C4orf50: variants seen among roughly 807,000 people sequenced by gnomAD.
C4orf50 encodes the protein chromosome 4 open reading frame 50, also known as uncharacterized protein C4orf50.
Under a neutral mutation model 77.2 loss-of-function variants are expected in C4orf50, and 80 were observed. The ratio of observed to expected loss-of-function variants is 1.04; its 90% CI spans 0.87 to 1.25. C4orf50 has a LOEUF of 1.25. C4orf50 is among the 50% of genes most tolerant of loss of function. The pLI is 0.00. For synonymous variants in C4orf50, 532 were observed against 465.3 expected (o/e 1.14, Z -1.84); for missense variants, 1,257 against 1,152.9 (o/e 1.09, Z -1.31).
At chr4:5,959,619 A>G in exon 34 of C4orf50, 1 of 1,612,224 alleles carries the variant, frequency 6.2e-7, no homozygotes, top group East Asian at 2.2e-5. Flanking sequence ...CACCAAGGAC[A>G]GAGGGAGCTG....
intron 25 of C4orf50, among the ~76,000 whole-genome samples, chr4:6,002,125 C>T (rs182143239): frequency 4.6e-5 from 7 of 152,326 alleles, no homozygotes; most frequent in Admixed American, 3.3e-4. Context: ...TGAGGCCATA[C>T]TGGATTAGGC....
At chr4:5,977,365 CAT>C (rs1345098470) in intron 29 of C4orf50, among the ~76,000 whole-genome samples, 1 of 152,222 alleles carries the variant, frequency 6.6e-6, no homozygotes, top group Admixed American at 6.5e-5. Flanking sequence ...TTCGGACCAA[CAT>C]ACCTATATGG....
At chr4:6,004,734 G>A (rs1269408101) in intron 25 of C4orf50, among the ~76,000 whole-genome samples, 2 of 139,946 alleles carry the variant, frequency 1.4e-5, no homozygotes, top group Non-Finnish European at 3.2e-5. Context: ...GGTGATGATA[G>A]TGATGATGGT....
At chr4:5,966,636 T>C (rs532594697) in intron 32 of C4orf50, among the ~76,000 whole-genome samples, 4 of 150,418 alleles carry the variant, frequency 2.7e-5, no homozygotes, top group South Asian at 2.1e-4. Flanking sequence ...TATAATTATA[T>C]GAAACATTCC....
chr4:5,921,151 C>T (rs1274686154), intron 7 of C4orf50, among the ~76,000 whole-genome samples: 1 of 152,246 alleles, frequency 6.6e-6, no homozygotes, highest in Non-Finnish European at 1.5e-5. Context: ...TGGGCCCTTC[C>T]ACGCTGAGGG....
At chr4:5,967,578 T>A in intron 31 of C4orf50, 116 bp from the exon 10 acceptor site, 1 of 846,700 alleles carries the variant, frequency 1.2e-6, no homozygotes, top group South Asian at 1.3e-5. Flanking sequence ...AAAACCGCTT[T>A]CTGTGTAGGA....
At chr4:5,955,064 G>A (rs1718892308), downstream of C4orf50, among the ~76,000 whole-genome samples, 1 of 152,102 alleles carries the variant, frequency 6.6e-6, no homozygotes, top group Non-Finnish European at 1.5e-5. The surrounding 1 kb of genome is among the most constrained non-coding windows in gnomAD (Gnocchi z 5.1). Flanking sequence ...TCAGCTGTGA[G>A]CGTGTCTCCC....
chr4:5,944,140 G>A (rs1241818394), intron 7 of C4orf50, among the ~76,000 whole-genome samples: 1 of 152,166 alleles, frequency 6.6e-6, no homozygotes, highest in African/African-American at 2.4e-5. Context: ...TCTGGGCATC[G>A]AGCTTCCCTG....
intron 28 of C4orf50, among the ~76,000 whole-genome samples, chr4:5,987,717 G>T (rs1433707394): frequency 6.6e-6 from 1 of 152,004 alleles, no homozygotes; most frequent in Non-Finnish European, 1.5e-5. Flanking sequence ...GATAGAAAAT[G>T]GAATGAATGA....
At chr4:5,960,866 T>C (rs1719237055) in intron 33 of C4orf50, among the ~76,000 whole-genome samples, 1 of 152,132 alleles carries the variant, frequency 6.6e-6, no homozygotes, top group Non-Finnish European at 1.5e-5. Context: ...ATAATAATAA[T>C]GATAGTCGGC....
At chr4:5,927,400 G>A (rs1717565830) in intron 7 of C4orf50, among the ~76,000 whole-genome samples, 1 of 151,850 alleles carries the variant, frequency 6.6e-6, no homozygotes, top group Admixed American at 6.6e-5. Flanking sequence ...TTACTCTCTT[G>A]CTTTCTGTCT....
At chr4:6,005,344 C>A (rs1371136734) in intron 25 of C4orf50, among the ~76,000 whole-genome samples, 1 of 152,162 alleles carries the variant, frequency 6.6e-6, no homozygotes, top group Middle Eastern at 3.2e-3. Context: ...GAGAACTGAG[C>A]CCCACATGAG....
chr4:5,985,955 C>T (rs142968484), intron 28 of C4orf50, among the ~76,000 whole-genome samples: 6 of 152,088 alleles, frequency 3.9e-5, no homozygotes, highest in Middle Eastern at 3.4e-3. Flanking sequence ...GGTGACAGAG[C>T]GAGACAGCGT....
rs376955961 is a variant in C4orf50 at position 5,935,562 on chromosome 4, C to T, written c.*2474+21339G>A. On this transcript the variant is annotated intron_variant, in intron 7 of 7. Coordinates refer to the C4orf50 transcript ENST00000324058. ...CAGCACTTTGGGAGGTCAAGGCAGGCGGATAACGAGGTCAGGAGTTCGAGG... is the reference window on the plus strand; with the variant it reads ...CAGCACTTTGGGAGGTCAAGGCAGGTGGATAACGAGGTCAGGAGTTCGAGG... Among the ~76,000 whole-genome samples the T allele has an allele frequency of 5.3e-5, 8 of 151,886 alleles. No individual in the cohort carries two copies. The South Asian group carries it at 8.3e-4, about 16-fold the overall frequency.
intron 7 of C4orf50, among the ~76,000 whole-genome samples, chr4:5,934,552 C>T (rs545007345): frequency 1.4e-4 from 21 of 152,248 alleles, no homozygotes; most frequent in African/African-American, 3.1e-4. Context: ...ACCCTCCTCC[C>T]GGCCCCACTT....
At chr4:5,910,678 A>G (rs1256406691) in intron 7 of C4orf50, among the ~76,000 whole-genome samples, 2 of 151,340 alleles carry the variant, frequency 1.3e-5, no homozygotes, top group Non-Finnish European at 2.9e-5. Context: ...TCTCTACCTC[A>G]CCCCCTGCCA....
chr4:5,985,656 A>G (rs1210715659), intron 28 of C4orf50, among the ~76,000 whole-genome samples: 1 of 152,114 alleles, frequency 6.6e-6, no homozygotes, highest in Non-Finnish European at 1.5e-5. Context: ...TGAGACAAAT[A>G]GAAAAAATAG....
At chr4:5,929,775 G>A (rs1717683619) in intron 7 of C4orf50, among the ~76,000 whole-genome samples, 1 of 152,234 alleles carries the variant, frequency 6.6e-6, no homozygotes, top group Admixed American at 6.5e-5. Context: ...ATAAATAGGA[G>A]AGAGTCAGAA....
At chr4:5,910,341 T>C (rs1716749325) in intron 7 of C4orf50, among the ~76,000 whole-genome samples, 1 of 152,210 alleles carries the variant, frequency 6.6e-6, no homozygotes, top group South Asian at 2.1e-4. Context: ...TAGTTAGCAT[T>C]TCTCATAGGG....
Sources: allele counts gnomAD v4.1 joint callset (sites outside exome capture counted in the v4.1 genomes callset), GRCh38; gene constraint gnomAD v4.1.1; non-coding constraint Gnocchi (gnomAD v3.1); transcripts MANE v1.5; gene names NCBI Gene and HGNC (gene_info 2026-07-23, HGNC 2026-07-21).